The following NLRP8 variants were observed in gnomAD, a reference collection of about 807,000 sequenced individuals.
The protein encoded by NLRP8 is NACHT, LRR and PYD domains-containing protein 8.
NLRP8 carries 86 observed loss-of-function variants against 88.7 expected under a neutral mutation model. That is an observed-to-expected ratio of 0.97 (90% CI 0.81 to 1.16). NLRP8 has a LOEUF of 1.16. Ranked by LOEUF, NLRP8 falls within the 50% of genes most tolerant of loss-of-function variation. The pLI, the probability that NLRP8 is intolerant of heterozygous loss-of-function variation, is 0.00. For synonymous variants in NLRP8, 504 were observed against 494.6 expected (o/e 1.02, Z -0.25); for missense variants, 1,342 against 1,286.5 (o/e 1.04, Z -0.66).
intron 9 of NLRP8, among the ~76,000 whole-genome samples, chr19:55,983,144 T>C (rs1980642155): frequency 6.6e-6 from 1 of 151,970 alleles, no homozygotes; most frequent in African/African-American, 2.4e-5. Flanking sequence ...AGATGCAGCA[T>C]AGGGCAATTG....
intron 5 of NLRP8, among the ~76,000 whole-genome samples, chr19:55,967,374 A>G (rs1021933858): frequency 1.4e-4 from 22 of 152,100 alleles, no homozygotes; most frequent in Non-Finnish European, 7.4e-5. Flanking sequence ...CCTGGTAACC[A>G]TCCTCCTACT....
chr19:55,957,722 TATAAAA>T (rs1979442183), intron 3 of NLRP8, among the ~76,000 whole-genome samples: 14 of 91,700 alleles, frequency 1.5e-4, no homozygotes, highest in African/African-American at 6.2e-4. Flanking sequence ...TATATATATA[TATAAAA>T]TAAGGTTGTT....
intron 9 of NLRP8, among the ~76,000 whole-genome samples, chr19:55,980,779 A>C (rs1980539466): frequency 6.6e-6 from 1 of 152,036 alleles, no homozygotes; most frequent in South Asian, 2.1e-4. Flanking sequence ...GCCTTGTTTT[A>C]TTGGCCATGG....
chr19:55,985,165 T>C (rs1453060738), intron 9 of NLRP8, among the ~76,000 whole-genome samples: 2 of 151,972 alleles, frequency 1.3e-5, no homozygotes, highest in South Asian at 2.1e-4. Flanking sequence ...TAGCCAGGCG[T>C]GGTGGCGGGC....
Position 55,952,594 on chromosome 19 carries a change from C to G in NLRP8, c.424C>G (p.Leu142Val), listed in dbSNP as rs1397740229. Residue 142 changes from leucine (L) to valine (V), a missense_variant, in exon 2 of 10, where the codon CTG (leucine) becomes GTG (valine). By Grantham distance (32) the Leu-to-Val change is conservative (BLOSUM62 1). Coordinates refer to ENST00000291971, the MANE Select transcript of NLRP8 (RefSeq NM_176811.2). ...GAATGTGGGAGAAACACAGGTGAAT[C>G]TGGAGGAAGGAGAATCTGGTATGTG... 4.3e-6 allele frequency: 7 copies of G among 1,613,968 alleles called. No homozygotes were observed. The highest frequency in any genetic ancestry group is 5.1e-6 in the Non-Finnish European group (6 of 1,179,876).
chr19:55,966,430 C>G (rs759890473), intron 5 of NLRP8, 50 bp downstream of exon 5: 5 of 1,566,716 alleles, frequency 3.2e-6, no homozygotes, highest in Admixed American at 1.7e-5. Flanking sequence ...CCCGGATGGT[C>G]TTTTCAAGGG....
At chr19:55,954,417 G>A (rs987868099) in intron 2 of NLRP8, 84 bp from the exon 3 acceptor site, 28 of 1,370,490 alleles carry the variant, frequency 2.0e-5, no homozygotes, top group African/African-American at 5.8e-5. Context: ...CGTAGACATC[G>A]AGACTGGTTT....
intron 1 of NLRP8, among the ~76,000 whole-genome samples, chr19:55,948,937 C>T (rs147526885): frequency 3.9e-5 from 6 of 152,262 alleles, no homozygotes; most frequent in Admixed American, 6.5e-5. Context: ...AAGGCCATTT[C>T]GCAGCAACAA....
intron 9 of NLRP8, among the ~76,000 whole-genome samples, chr19:55,982,494 A>T (rs1980616978): frequency 6.6e-6 from 1 of 152,244 alleles, no homozygotes; most frequent in Admixed American, 6.5e-5. Context: ...ATGGTATCAT[A>T]GAAACAGCAC....
rs757753881 is a variant in NLRP8 at position 55,954,811 on chromosome 19, G to T, written c.753G>T (p.Thr251=). The change falls in exon 3 of 10, where the codon ACG becomes ACT. Residue 251 remains threonine, a synonymous_variant. Transcript: ENST00000291971. ...TCCATTGCCAAGAGGTGAACCAGACGACAGACCAGAGCTTCTCCGAGCTGA... is the reference window on the plus strand; with the variant it reads ...TCCATTGCCAAGAGGTGAACCAGACTACAGACCAGAGCTTCTCCGAGCTGA... 3 of 1,614,056 alleles carry T rather than the reference G, an allele frequency of 1.9e-6. No individual in the cohort carries two copies. The highest frequency in any genetic ancestry group is 2.5e-6 in the Non-Finnish European group (3 of 1,180,042).
rs1278786137 is a variant in NLRP8 at position 55,976,217 on chromosome 19, C to T, written c.2790C>T (p.Asp930=). 6.2e-7 allele frequency: 1 copy of T among 1,613,652 alleles called. No homozygotes were observed. The highest frequency in any genetic ancestry group is 8.5e-7 in the Non-Finnish European group (1 of 1,179,934). ...AAAATAAAACCCTGAAAAGTCTTGA[C>T]CTAAGTTTTAATAGCCTGAAGGATG... Residue 930 remains aspartate (D), a synonymous_variant, in exon 8 of 10, where the codon GAC becomes GAT. Transcript: ENST00000291971.
intron 1 of NLRP8, among the ~76,000 whole-genome samples, chr19:55,949,967 C>G (rs1979018465): frequency 6.6e-6 from 1 of 152,056 alleles, no homozygotes; most frequent in South Asian, 2.1e-4. Flanking sequence ...AAGGTTGAGA[C>G]CTAACACAGG....
At chr19:55,978,692 T>G (rs116243199) in intron 8 of NLRP8, among the ~76,000 whole-genome samples, 2,404 of 152,206 alleles carry the variant, frequency 0.016, 61 homozygotes, top group African/African-American at 0.054. Context: ...TGAGACATGG[T>G]CACTTATTTG....
At position 55,988,015 on chromosome 19, in the gene NLRP8, C is replaced by A; in HGVS notation, c.*102C>A. ...TCCTGTATGCATTAACGTACTTTCC[C>A]CTGAAACAGAGCAACCCAGTCAACA... is the stretch of plus-strand genomic sequence containing the variant. On this transcript the variant is annotated 3_prime_UTR_variant, in exon 10 of 10. Coordinates refer to ENST00000291971, the MANE Select transcript of NLRP8 (RefSeq NM_176811.2). The A allele has an allele frequency of 1.1e-6, 1 of 883,224 alleles. No homozygotes were observed. The highest frequency in any genetic ancestry group is 1.8e-6 in the Non-Finnish European group (1 of 544,230). The allele number at this position is 883,224 out of a possible 1,614,324, so 54.7% of individuals were successfully genotyped here.
At position 55,971,182 on chromosome 19, in the gene NLRP8, G is replaced by A. The variant is rs1980058661; in HGVS notation, c.2534+486G>A. ...GGGCCGGGCACGGTGGCTCATGCCT[G>A]TAATCCCAGCACTTTGGGAGGCCGA... is the stretch of plus-strand genomic sequence containing the variant. On this transcript the variant is annotated intron_variant, in intron 6 of 9. Coordinates refer to ENST00000291971, the MANE Select transcript of NLRP8 (RefSeq NM_176811.2). Among the ~76,000 whole-genome samples, 4 of 152,294 alleles carry A rather than the reference G, an allele frequency of 2.6e-5. No individual in the cohort carries two copies. In the South Asian group the frequency reaches 8.3e-4, roughly 32 times the overall value.
In NLRP8 at chr19:55,955,713, T is replaced by G. The variant is rs1979321507; in HGVS notation, c.1655T>G (p.Leu552Arg). 1.9e-6 allele frequency: 3 copies of G among 1,614,018 alleles called. No homozygotes were observed. Among genetic ancestry groups the G allele is most frequent in the Non-Finnish European group, 2.5e-6 (3 of 1,179,888 alleles). Residue 552 changes from leucine to arginine, a missense_variant, in exon 3 of 10, where the codon CTC becomes CGC. Coordinates refer to ENST00000291971, the MANE Select transcript of NLRP8 (RefSeq NM_176811.2). The stretch of plus-strand genomic sequence containing the variant: ...AGTCCCAGAGGAAGCAAAAGCTATC[T>G]CTCTCACATGGGACTTTTCTTATTC...
At chr19:55,980,559 C>T (rs1352899407) in intron 9 of NLRP8, among the ~76,000 whole-genome samples, 3 of 152,098 alleles carry the variant, frequency 2.0e-5, no homozygotes. Flanking sequence ...GAATCTGCTT[C>T]CAGGCTCACT....
At chr19:55,952,783 G>A (rs775997642) in intron 2 of NLRP8, among the ~76,000 whole-genome samples, 171 bp downstream of exon 2, 4 of 152,100 alleles carry the variant, frequency 2.6e-5, no homozygotes, top group African/African-American at 7.2e-5. Flanking sequence ...GAAACTAGCC[G>A]GGCGTGGTGG....
At chr19:55,966,064 T>C in intron 4 of NLRP8, 149 bp from the exon 5 acceptor site, 1 of 648,906 alleles carries the variant, frequency 1.5e-6, no homozygotes. Flanking sequence ...CACTCTTTAA[T>C]GTCTGCATCC....
Sources: allele counts gnomAD v4.1 joint callset (sites outside exome capture counted in the v4.1 genomes callset), GRCh38; gene constraint gnomAD v4.1.1; transcripts MANE v1.5; gene names NCBI Gene and HGNC (gene_info 2026-07-23, HGNC 2026-07-21).